Variants in LMX1A observed in about 807,000 individuals in gnomAD.
LMX1A encodes the protein LIM homeobox transcription factor 1-alpha.
A neutral mutation model predicts 49.1 loss-of-function variants in LMX1A; 15 were observed. That is an observed-to-expected ratio of 0.31 (90% confidence interval 0.20 to 0.47). The LOEUF is 0.47. Among genes scored for constraint, LMX1A ranks in the 20% least tolerant of loss-of-function variants. The pLI is 1.00. For missense variants in LMX1A, 372 were observed against 475.8 expected (o/e 0.78, Z 2.03); for synonymous variants, 167 against 185.7 (o/e 0.90, Z 0.82).
At position 165,323,227 on chromosome 1, in the gene LMX1A, C is replaced by T. The variant is rs981525462; in HGVS notation, c.263+29849G>A. The stretch of plus-strand genomic sequence containing the variant: ...TCTGCTTTGTTCTAGAGTAATATTA[C>T]CTGCCCAGCCCACTATACAGGTCAG... On this transcript the variant is annotated intron_variant, in intron 3 of 8. Transcript: ENST00000342310. 2.0e-5 allele frequency among the ~76,000 whole-genome samples: 3 copies of T among 152,212 alleles called. No homozygotes were observed. The East Asian group carries it at 5.8e-4, about 29-fold the overall frequency.
chr1:165,342,929 A>G (rs1209233151), intron 3 of LMX1A, among the ~76,000 whole-genome samples: 2 of 152,084 alleles, frequency 1.3e-5, no homozygotes, highest in Non-Finnish European at 1.5e-5. Context: ...CTCTTCCCCA[A>G]CAGCGTGACC....
chr1:165,284,848 G>C (rs949654284), intron 3 of LMX1A, among the ~76,000 whole-genome samples: 7 of 152,222 alleles, frequency 4.6e-5, no homozygotes, highest in African/African-American at 1.7e-4. Flanking sequence ...CACATGGAGA[G>C]ATGGGAGGAG....
At chr1:165,291,761 T>C (rs1654471394) in intron 3 of LMX1A, among the ~76,000 whole-genome samples, 1 of 152,156 alleles carries the variant, frequency 6.6e-6, no homozygotes, top group African/African-American at 2.4e-5. Flanking sequence ...AAACCTGTAC[T>C]CTTAACAATA....
At chr1:165,207,148 G>A (rs998792914) in intron 7 of LMX1A, among the ~76,000 whole-genome samples, 10 of 152,082 alleles carry the variant, frequency 6.6e-5, no homozygotes, top group Admixed American at 2.6e-4. Context: ...CTTATGAATT[G>A]GAATCTGCAC....
At chr1:165,221,168 G>A (rs902925875) in intron 4 of LMX1A, among the ~76,000 whole-genome samples, 4 of 151,950 alleles carry the variant, frequency 2.6e-5, no homozygotes, top group African/African-American at 7.3e-5. Context: ...TTTGCCTCAC[G>A]GGTTGTTGTA....
At chr1:165,297,591 T>C (rs1654651642) in intron 3 of LMX1A, among the ~76,000 whole-genome samples, 2 of 152,122 alleles carry the variant, frequency 1.3e-5, no homozygotes, top group South Asian at 2.1e-4. Flanking sequence ...ATGGAGACAG[T>C]GGGGATCAGG....
intron 3 of LMX1A, among the ~76,000 whole-genome samples, chr1:165,267,740 G>C (rs181892915): frequency 6.6e-6 from 1 of 152,266 alleles, no homozygotes; most frequent in South Asian, 2.1e-4. Flanking sequence ...TCAAGGGAAC[G>C]GGAGTAATGA....
At chr1:165,218,882 G>C (rs1651734091) in intron 4 of LMX1A, 1 of 152,200 alleles carries the variant, frequency 6.6e-6, no homozygotes, top group Non-Finnish European at 1.5e-5. Flanking sequence ...CAGCGGAGAT[G>C]AAAGGAACAC....
Position 165,266,925 on chromosome 1 carries a change from TTC to T in LMX1A, c.264-17287_264-17286del, listed in dbSNP as rs911901759. Among the ~76,000 whole-genome samples, 6 of 150,540 alleles carry T rather than the reference TTC, an allele frequency of 4.0e-5. No homozygotes were observed. The East Asian group carries it at 8.0e-4, about 20-fold the overall frequency. ...TTGCTTGCTTGCTTGCTTGCTTGCTTTCTCTCTCTCTCTCTTTCTTTCTCTCT... is the reference window on the plus strand; with the variant it reads ...TTGCTTGCTTGCTTGCTTGCTTGCTTTCTCTCTCTCTCTTTCTTTCTCTCT... On this transcript the variant is annotated intron_variant, in intron 3 of 8. Transcript: ENST00000342310.
chr1:165,326,000 CA>C (rs1418835892), intron 3 of LMX1A, among the ~76,000 whole-genome samples: 1 of 108,834 alleles, frequency 9.2e-6, no homozygotes, highest in Non-Finnish European at 2.0e-5. Flanking sequence ...TGAGTAATCC[CA>C]GGGGGGCTCC....
chr1:165,314,928 A>T (rs1423235847), intron 3 of LMX1A, among the ~76,000 whole-genome samples: 1 of 152,198 alleles, frequency 6.6e-6, no homozygotes, highest in East Asian at 1.9e-4. Context: ...ACTTCATCCC[A>T]GGCAGAAGCC....
At chr1:165,256,358 C>T (rs1480979215) in intron 3 of LMX1A, among the ~76,000 whole-genome samples, 2 of 152,130 alleles carry the variant, frequency 1.3e-5, no homozygotes, top group Non-Finnish European at 2.9e-5. Context: ...TCATCCATTT[C>T]TCAATGGAAA....
rs1349202030 is a variant in LMX1A, at chr1:165,202,649, G to A, written c.*1231C>T. The A allele has an allele frequency of 2.0e-5, 3 of 151,958 alleles. No individual in the cohort carries two copies. Among genetic ancestry groups the A allele is most frequent in the African/African-American group, 7.3e-5 (3 of 41,370 alleles). The allele number at this position is 151,958 out of a possible 1,614,324, so 9.4% of individuals were successfully genotyped here. A position where few individuals can be genotyped will look rare whatever the true frequency, so the allele number is the denominator to read the frequency against. ...ATAGAAAGCAGGCCCGCAAGCAGGA[G>A]TTTGCCCAACCCTGCTCTAGAACAC... On this transcript the variant is annotated 3_prime_UTR_variant, in exon 9 of 9. Coordinates refer to ENST00000342310, the MANE Select transcript of LMX1A (RefSeq NM_177398.4).
intron 3 of LMX1A, among the ~76,000 whole-genome samples, chr1:165,288,951 T>C (rs975258676): frequency 6.6e-6 from 1 of 152,136 alleles, no homozygotes; most frequent in Non-Finnish European, 1.5e-5. Context: ...TAAAAATCAC[T>C]AGGTAATATC....
chr1:165,234,201 C>T lies in LMX1A; in HGVS notation c.496+15207G>A, dbSNP rs572960908. Reference sequence around the variant, plus strand: ...GAGCAACACTACAATCCAGCCCTTCCTCTCATGCCTGGATACAACCCTACC... The same window carrying T: ...GAGCAACACTACAATCCAGCCCTTCTTCTCATGCCTGGATACAACCCTACC... On this transcript the variant is annotated intron_variant, in intron 4 of 8. Coordinates refer to ENST00000342310, the MANE Select transcript of LMX1A (RefSeq NM_177398.4). 2.0e-5 allele frequency among the ~76,000 whole-genome samples: 3 copies of T among 152,298 alleles called. No homozygotes were observed. In the South Asian group the frequency reaches 6.2e-4, roughly 32 times the overall value.
intron 3 of LMX1A, among the ~76,000 whole-genome samples, chr1:165,260,861 G>A (rs573683621): frequency 2.6e-5 from 4 of 152,250 alleles, no homozygotes; most frequent in South Asian, 2.1e-4. Context: ...TCTAACTGAC[G>A]GGTGGAAAAT....
At chr1:165,205,268 C>T (rs1181973595) in intron 8 of LMX1A, among the ~76,000 whole-genome samples, 2 of 152,252 alleles carry the variant, frequency 1.3e-5, no homozygotes, top group African/African-American at 2.4e-5. Flanking sequence ...CTCAGGCCCC[C>T]GGTTGTTGTC....
intron 3 of LMX1A, among the ~76,000 whole-genome samples, chr1:165,258,974 A>AAGTAGT (rs1653340988): frequency 6.6e-6 from 1 of 152,232 alleles, no homozygotes. Flanking sequence ...GAGATTAAGT[A>AAGTAGT]AGTAGTGTAT....
chr1:165,337,541 T>A (rs890895930), intron 3 of LMX1A, among the ~76,000 whole-genome samples: 6 of 152,304 alleles, frequency 3.9e-5, no homozygotes, highest in Middle Eastern at 3.4e-3. Context: ...AGGTGCATTG[T>A]CTCTTGCCAT....
Sources: gnomAD v4.1 joint callset for allele counts (sites outside exome capture counted in the v4.1 genomes callset) on GRCh38, gnomAD v4.1.1 for gene constraint, MANE v1.5 for transcripts, NCBI Gene and HGNC (gene_info 2026-07-23, HGNC 2026-07-21) for gene names.